Variants in DNAJC25 observed in about 807,000 individuals in gnomAD.
DNAJC25 encodes the protein dnaJ homolog subfamily C member 25.
In DNAJC25, 26 loss-of-function variants were observed where a neutral mutation model predicts 42.1. That is an observed-to-expected ratio of 0.62 (90% CI 0.45 to 0.86). DNAJC25 has a LOEUF of 0.86. DNAJC25 is among the 40% of genes least tolerant of loss of function. DNAJC25 has a pLI of 0.00. For synonymous variants in DNAJC25, 189 were observed against 179.9 expected, an observed-to-expected ratio of 1.05 and a Z score of -0.40; for missense variants, 404 against 459.4, an observed-to-expected ratio of 0.88 and a Z score of 1.10.
At chr9:111,643,489 G>T (rs1050395941) in intron 1 of DNAJC25, among the ~76,000 whole-genome samples, 3 of 152,148 alleles carry the variant, frequency 2.0e-5, no homozygotes, top group Non-Finnish European at 4.4e-5. Context: ...CATTCTAAAG[G>T]ATTAATAGGA....
chr9:111,638,953 A>G (rs1158444468), intron 1 of DNAJC25, among the ~76,000 whole-genome samples: 2 of 151,880 alleles, frequency 1.3e-5, no homozygotes, highest in Middle Eastern at 3.4e-3. Context: ...AATTTCCCCA[A>G]TGCTCAAGCT....
intron 1 of DNAJC25, among the ~76,000 whole-genome samples, chr9:111,645,496 C>T (rs967032066): frequency 6.6e-6 from 1 of 152,304 alleles, no homozygotes. Context: ...CTCAAGTTAC[C>T]TGCCTGCCTT....
intron 1 of DNAJC25, among the ~76,000 whole-genome samples, chr9:111,639,950 C>CCGTCTCCGTCTCCGTCTG (rs1564083886): frequency 2.9e-4 from 44 of 150,638 alleles, no homozygotes; most frequent in African/African-American, 9.5e-4. Flanking sequence ...GTCTCCGTCT[C>CCGTCTCCGTCTCCGTCTG]CGTCTCCGTC....
At chr9:111,646,457 A>G (rs1385744609) in intron 1 of DNAJC25, among the ~76,000 whole-genome samples, 3 of 152,234 alleles carry the variant, frequency 2.0e-5, no homozygotes, top group Non-Finnish European at 4.4e-5. Flanking sequence ...TATAGTGATG[A>G]AGTACTACAT....
chr9:111,646,770 C>T (rs1001210309), intron 1 of DNAJC25, among the ~76,000 whole-genome samples: 1 of 151,984 alleles, frequency 6.6e-6, no homozygotes, highest in Non-Finnish European at 1.5e-5. Flanking sequence ...AAAAAAAAAT[C>T]AACAGTTAAG....
At chr9:111,651,263 CAAAAAAA>C (rs10555875) in intron 3 of DNAJC25, among the ~76,000 whole-genome samples, 61 of 104,982 alleles carry the variant, frequency 5.8e-4, no homozygotes, top group Non-Finnish European at 9.9e-4. Context: ...GACTCTATCT[CAAAAAAA>C]AAAAAAAAAA....
chr9:111,650,039 A>G (rs1201966139), intron 3 of DNAJC25, 116 bp downstream of exon 3: 2 of 977,898 alleles, frequency 2.0e-6, no homozygotes, highest in African/African-American at 3.3e-5. Context: ...CTAGAGTTAA[A>G]CAATTAGTAA....
At position 111,649,551 on chromosome 9, in the gene DNAJC25, A is replaced by G. The variant is rs780670002; in HGVS notation, c.588A>G (p.Gly196=). 1 of 1,614,136 alleles carries G rather than the reference A, an allele frequency of 6.2e-7. No individual in the cohort carries two copies. The highest frequency in any genetic ancestry group is 8.5e-7 in the Non-Finnish European group (1 of 1,180,016). ...IQATEIAKQQ[G]LLKKAKEKGK... is the part of the protein sequence containing the mutation. ...CTACAGAGATTGCCAAGCAGCAGGGACTGCTCAAAAAAGCCAAAGAAAAAG... is the reference window on the plus strand; with the variant it reads ...CTACAGAGATTGCCAAGCAGCAGGGGCTGCTCAAAAAAGCCAAAGAAAAAG... The change falls in exon 3 of 4, where the codon GGA becomes GGG. Residue 196 remains glycine, a synonymous_variant. Coordinates refer to ENST00000313525, the MANE Select transcript of DNAJC25 (RefSeq NM_001015882.3).
At position 111,649,425 on chromosome 9, in the gene DNAJC25, AC is replaced by A. The variant is rs773225801; in HGVS notation, c.490-27del. On this transcript the variant is annotated intron_variant, in intron 2 of 3. Transcript: ENST00000313525. ...TAGATGAATTTGGGTAATGAAAATG[AC>A]TCATTGTTCTCTGTTAATTATTCTA... 2.6e-6 allele frequency: 4 copies of A among 1,521,720 alleles called. No individual in the cohort carries two copies. The East Asian group carries it at 9.2e-5, about 35-fold the overall frequency. The allele number at this position is 1,521,720 out of a possible 1,614,324, so 94.3% of individuals were successfully genotyped here.
rs1199756420 is a variant in DNAJC25, at chr9:111,654,054, G to T, written c.*832G>T. ...AAAAAAATAGCAAGGCAGAAATAGT[G>T]TATTGAAAAGTTGTTCATCTATTAT... On this transcript the variant is annotated 3_prime_UTR_variant, in exon 4 of 4. Coordinates refer to ENST00000313525, the MANE Select transcript of DNAJC25 (RefSeq NM_001015882.3). 6.6e-6 allele frequency: 1 copy of T among 152,236 alleles called. No individual in the cohort carries two copies. The highest frequency in any genetic ancestry group is 1.9e-4 in the East Asian group (1 of 5,202). The allele number at this position is 152,236 out of a possible 1,614,324, so 9.4% of individuals were successfully genotyped here. A position where few individuals can be genotyped will look rare whatever the true frequency, so the allele number is the denominator to read the frequency against.
intron 1 of DNAJC25, among the ~76,000 whole-genome samples, chr9:111,633,068 A>G (rs1830311260): frequency 6.6e-6 from 1 of 152,188 alleles, no homozygotes; most frequent in South Asian, 2.1e-4. Context: ...GTTGCCGATT[A>G]TGTAAAAAGT....
At chr9:111,644,570 T>C (rs1357264657) in intron 1 of DNAJC25, among the ~76,000 whole-genome samples, 1 of 152,210 alleles carries the variant, frequency 6.6e-6, no homozygotes, top group Admixed American at 6.5e-5. Flanking sequence ...TTACTCCATA[T>C]ACTTCAACCA....
At chr9:111,651,305 ACCAGTTAG>A (rs1830657105) in intron 3 of DNAJC25, among the ~76,000 whole-genome samples, 1 of 151,576 alleles carries the variant, frequency 6.6e-6, no homozygotes, top group Admixed American at 6.6e-5. Context: ...GTTACAGCGT[ACCAGTTAG>A]CCAGTTAGCT....
intron 1 of DNAJC25, among the ~76,000 whole-genome samples, chr9:111,639,030 A>G (rs909278970): frequency 2.6e-5 from 4 of 152,056 alleles, no homozygotes; most frequent in South Asian, 2.1e-4. Flanking sequence ...TTTGCCTGAA[A>G]CAAGTTTCAT....
intron 3 of DNAJC25, among the ~76,000 whole-genome samples, chr9:111,652,116 A>T (rs1300628514): frequency 6.6e-6 from 1 of 152,196 alleles, no homozygotes; most frequent in Non-Finnish European, 1.5e-5. Flanking sequence ...TTAATATTAG[A>T]CATTAGTTGT....
intron 1 of DNAJC25, among the ~76,000 whole-genome samples, chr9:111,645,215 A>G (rs1335831939): frequency 6.6e-6 from 1 of 152,054 alleles, no homozygotes; most frequent in Non-Finnish European, 1.5e-5. Flanking sequence ...TGTAATGAAT[A>G]TGGGAGAACT....
Position 111,631,491 on chromosome 9 carries a change from G to A in DNAJC25, c.84G>A (p.Pro28=). ...GGATGCTGCTGGCGCCCCTGCTGCCGGCGCTGCTGCTGGTGCGGCCCGCGG... is the reference window on the plus strand; with the variant it reads ...GGATGCTGCTGGCGCCCCTGCTGCCAGCGCTGCTGCTGGTGCGGCCCGCGG... The part of the protein sequence containing the change: ...RWWMLLAPLL[P]ALLLVRPAGA... Residue 28 remains proline (P), a synonymous_variant, in exon 1 of 4, where the codon CCG becomes CCA. Coordinates refer to ENST00000313525, the MANE Select transcript of DNAJC25 (RefSeq NM_001015882.3). 1.5e-6 allele frequency: 2 copies of A among 1,323,628 alleles called. No homozygotes were observed. Among genetic ancestry groups the A allele is most frequent in the Non-Finnish European group, 1.9e-6 (2 of 1,043,288 alleles). 82.0% of individuals were successfully genotyped at this position (1,323,628 alleles called of 1,614,324 possible). A position where few individuals can be genotyped will look rare whatever the true frequency, so the allele number is the denominator to read the frequency against.
chr9:111,649,999 TCA>T, intron 3 of DNAJC25, 76 bp downstream of exon 3: 1 of 1,285,398 alleles, frequency 7.8e-7, no homozygotes, highest in East Asian at 2.5e-5. Context: ...TAATGAGGGA[TCA>T]CAGAAGTGTG....
intron 2 of DNAJC25, among the ~76,000 whole-genome samples, chr9:111,647,841 C>T (rs1288301159): frequency 6.6e-6 from 1 of 152,054 alleles, no homozygotes; most frequent in Non-Finnish European, 1.5e-5. Context: ...TGCAGTGGCA[C>T]AATTTCGGCT....
Sources: gnomAD v4.1 joint callset for allele counts (sites outside exome capture counted in the v4.1 genomes callset) on GRCh38, gnomAD v4.1.1 for gene constraint, MANE v1.5 for transcripts, NCBI Gene and HGNC (gene_info 2026-07-23, HGNC 2026-07-21) for gene names.